The following SPNS3 variants were observed in gnomAD, a reference collection of about 807,000 sequenced individuals.
SPNS3 encodes the protein SPNS lysolipid transporter 3, sphingosine-1-phosphate (putative).
In SPNS3, 51 loss-of-function variants were observed where a neutral mutation model predicts 54.4. That is an observed-to-expected ratio of 0.94 (90% CI 0.75 to 1.18). The LOEUF is 1.18. Among genes scored for constraint, SPNS3 ranks in the 50% most tolerant of loss-of-function variants. The pLI is 0.00. For synonymous variants in SPNS3, 309 were observed against 294.7 expected, an observed-to-expected ratio of 1.05 and a Z score of -0.50; for missense variants, 669 against 677.4, an observed-to-expected ratio of 0.99 and a Z score of 0.14.
At chr17:4,460,938 T>C (rs1641461746) in intron 8 of SPNS3, among the ~76,000 whole-genome samples, 1 of 152,220 alleles carries the variant, frequency 6.6e-6, no homozygotes, top group South Asian at 2.1e-4. Flanking sequence ...TAATTTATCT[T>C]TAAACATTTG....
At chr17:4,443,920 G>T (rs1970916241) in intron 2 of SPNS3, among the ~76,000 whole-genome samples, 1 of 152,180 alleles carries the variant, frequency 6.6e-6, no homozygotes, top group Non-Finnish European at 1.5e-5. Flanking sequence ...GCACAAGATG[G>T]TGAAACCCCG....
chr17:4,437,915 T>C (rs1341332776), intron 1 of SPNS3, among the ~76,000 whole-genome samples: 2 of 151,784 alleles, frequency 1.3e-5, no homozygotes, highest in African/African-American at 4.8e-5. Flanking sequence ...GCCTCCTGAG[T>C]AGCTGGGACT....
At position 4,478,619 on chromosome 17, in the gene SPNS3, G is replaced by T. The variant is rs1248531123; in HGVS notation, c.1161G>T (p.Val387=). 6.3e-7 allele frequency: 1 copy of T among 1,590,052 alleles called. No individual in the cohort carries two copies. Residue 387 remains valine, a synonymous_variant, in exon 9 of 12, where the codon GTG becomes GTT. Transcript: ENST00000355530. ...GELLLSCNWA[V]VADILLSVVV... is the part of the protein sequence containing the mutation. ...TGCTTCTGTCCTGCAACTGGGCAGT[G>T]GTTGCCGACATCCTGCTGGTAGGTG...
chr17:4,440,451 G>C (rs1299344523), intron 2 of SPNS3, among the ~76,000 whole-genome samples: 1 of 152,178 alleles, frequency 6.6e-6, no homozygotes, highest in Non-Finnish European at 1.5e-5. Context: ...CTTAAACCGG[G>C]GTACAGGGAT....
intron 8 of SPNS3, among the ~76,000 whole-genome samples, chr17:4,455,415 T>G (rs2144081280): frequency 6.6e-6 from 1 of 152,342 alleles, no homozygotes; most frequent in Admixed American, 6.5e-5. Context: ...CGGAGCTGTT[T>G]CTGCTGACTG....
intron 7 of SPNS3, among the ~76,000 whole-genome samples, chr17:4,450,198 C>T (rs1339096478): frequency 2.6e-5 from 4 of 151,918 alleles, no homozygotes; most frequent in Admixed American, 6.6e-5. Context: ...AGGGTTTTGG[C>T]GACACTCGTC....
chr17:4,449,088 AG>A, intron 6 of SPNS3, 146 bp from the exon 7 acceptor site: 1 of 898,060 alleles, frequency 1.1e-6, no homozygotes, highest in Middle Eastern at 2.6e-4. Flanking sequence ...ATCTGTAAAG[AG>A]GGGGTAGCAA....
At chr17:4,479,744 GGCTGTCAGC>G (rs1221431933) in intron 9 of SPNS3, among the ~76,000 whole-genome samples, 2 of 152,226 alleles carry the variant, frequency 1.3e-5, no homozygotes, top group African/African-American at 4.8e-5. Context: ...AAACAGACCT[GGCTGTCAGC>G]CCTGGTCCTG....
chr17:4,469,259 T>C (rs1304876956), intron 8 of SPNS3, among the ~76,000 whole-genome samples: 1 of 151,978 alleles, frequency 6.6e-6, no homozygotes, highest in Admixed American at 6.6e-5. Context: ...CTAATTTCTG[T>C]ATTTTTTTGT....
At chr17:4,462,725 C>CAGTCTAT (rs1401477090) in intron 8 of SPNS3, among the ~76,000 whole-genome samples, 2 of 112,076 alleles carry the variant, frequency 1.8e-5, no homozygotes, top group African/African-American at 7.1e-5. Context: ...ATCCACCCAC[C>CAGTCTAT]CACCCATCCA....
In SPNS3 at chr17:4,453,040, CA is replaced by C; in HGVS notation, c.949del (p.Met317Ter). ...DSLIFGALTI[M>X]TGVIGVILGA... is the part of the protein sequence containing the mutation. Reference sequence around the variant, plus strand: ...GCCTGATTTTTGGGGCACTGACCATCATGACCGGCGTCATTGGGGTCATCTT... The same window carrying C: ...GCCTGATTTTTGGGGCACTGACCATCTGACCGGCGTCATTGGGGTCATCTT... On this transcript the variant is annotated frameshift_variant, in exon 8 of 12. Coordinates refer to ENST00000355530, the MANE Select transcript of SPNS3 (RefSeq NM_182538.5). LOFTEE classifies it high-confidence loss of function. 1 of 1,613,902 alleles carries C rather than the reference CA, an allele frequency of 6.2e-7. No homozygotes were observed. Among genetic ancestry groups the C allele is most frequent in the Non-Finnish European group, 8.5e-7 (1 of 1,179,826 alleles).
chr17:4,466,229 A>G (rs567317747), intron 8 of SPNS3, among the ~76,000 whole-genome samples: 3 of 152,338 alleles, frequency 2.0e-5, no homozygotes, highest in South Asian at 4.1e-4. Flanking sequence ...ATGTGTGTGT[A>G]ATACAATAAA....
chr17:4,477,818 G>A lies in SPNS3; in HGVS notation c.1114-754G>A, dbSNP rs957626353. Among the ~76,000 whole-genome samples the A allele has an allele frequency of 2.0e-5, 3 of 152,140 alleles. No individual in the cohort carries two copies. In the South Asian group the frequency reaches 6.2e-4, roughly 32 times the overall value. Reference sequence around the variant, plus strand: ...AAGGGGATGGCCCGGAGGGTCCTTTGGTGGGGTGCCTGGGGCTGGGCACGC... The same window carrying A: ...AAGGGGATGGCCCGGAGGGTCCTTTAGTGGGGTGCCTGGGGCTGGGCACGC... On this transcript the variant is annotated intron_variant, in intron 8 of 11. Transcript: ENST00000355530.
At chr17:4,448,037 C>T in intron 5 of SPNS3, 118 bp from the exon 6 acceptor site, 1 of 1,031,010 alleles carries the variant, frequency 9.7e-7, no homozygotes, top group Non-Finnish European at 1.3e-6. Context: ...CCCCACTACC[C>T]CCAGGGCTTG....
intron 8 of SPNS3, among the ~76,000 whole-genome samples, chr17:4,462,840 A>G (rs190027534): frequency 1.1e-4 from 1 of 8,856 alleles, no homozygotes; most frequent in Non-Finnish European, 2.2e-4. Flanking sequence ...CATCCATTCA[A>G]CCACGCACCC....
In SPNS3 at chr17:4,434,114, C is replaced by A; in HGVS notation, c.147C>A (p.Ala49=). The A allele has an allele frequency of 4.3e-6, 7 of 1,612,458 alleles. No individual in the cohort carries two copies. Among genetic ancestry groups the A allele is most frequent in the Non-Finnish European group, 5.9e-6 (7 of 1,179,336 alleles). ...LPPWRAYVAA[A]VLCYINLLNY... Reference sequence around the variant, plus strand: ...CGTGGAGGGCCTACGTGGCTGCCGCCGTCCTCTGCTACATCAACCTCCTGA... The same window carrying A: ...CGTGGAGGGCCTACGTGGCTGCCGCAGTCCTCTGCTACATCAACCTCCTGA... Residue 49 remains alanine, a synonymous_variant, in exon 1 of 12, where the codon GCC becomes GCA. Coordinates refer to ENST00000355530, the MANE Select transcript of SPNS3 (RefSeq NM_182538.5).
chr17:4,468,604 G>A (rs923295016), intron 8 of SPNS3, among the ~76,000 whole-genome samples: 1 of 151,762 alleles, frequency 6.6e-6, no homozygotes, highest in Non-Finnish European at 1.5e-5. Context: ...CTGAGGGAGG[G>A]GCAGGGGTTT....
chr17:4,467,695 A>C (rs937757881), intron 8 of SPNS3, among the ~76,000 whole-genome samples: 1 of 152,078 alleles, frequency 6.6e-6, no homozygotes, highest in African/African-American at 2.4e-5. Context: ...TTATGACAGA[A>C]TCTCGCTCTG....
In SPNS3 at chr17:4,446,949, G is replaced by A. The variant is rs781408944; in HGVS notation, c.608G>A (p.Arg203His). The A allele has an allele frequency of 4.2e-5, 68 of 1,614,008 alleles. No individual in the cohort carries two copies. In the Middle Eastern group the frequency reaches 4.9e-4, roughly 12 times the overall value. Residue 203 changes from arginine (R) to histidine (H), a missense_variant, in exon 5 of 12, where the codon CGC becomes CAC. Arg to His is a conservative substitution (Grantham distance 29). Transcript: ENST00000355530. ...SAVTMLTGNWRWALRVMPCLE... is the reference protein window; with the variant it reads ...SAVTMLTGNWHWALRVMPCLE... ...GTGACGATGCTGACTGGGAACTGGC[G>A]CTGGGCCCTCCGAGTGAGTCCAGCT...
Sources: gnomAD v4.1 joint callset for allele counts (sites outside exome capture counted in the v4.1 genomes callset) on GRCh38, gnomAD v4.1.1 for gene constraint, MANE v1.5 for transcripts, NCBI Gene and HGNC (gene_info 2026-07-23, HGNC 2026-07-21) for gene names.